The following HELQ variants were observed in gnomAD, a reference collection of about 807,000 sequenced individuals.
HELQ encodes helicase POLQ-like.
Under a neutral mutation model 111.6 loss-of-function variants are expected in HELQ, and 77 were observed. The observed-to-expected ratio is 0.69, with a 90% CI of 0.57 to 0.83. The LOEUF is 0.83. HELQ is among the 40% of genes least tolerant of loss of function. The probability of loss-of-function intolerance (pLI) is 0.00; values close to 1 mark genes in which losing one functional copy is unlikely to be tolerated. For missense variants in HELQ, 1,200 were observed against 1,288.5 expected, an observed-to-expected ratio of 0.93 and a Z score of 1.05; for synonymous variants, 438 against 454.7, an observed-to-expected ratio of 0.96 and a Z score of 0.47.
At chr4:83,414,834 T>C (rs1739279067) in intron 17 of HELQ, among the ~76,000 whole-genome samples, 1 of 152,038 alleles carries the variant, frequency 6.6e-6, no homozygotes, top group African/African-American at 2.4e-5. Context: ...TGTGTGAAAG[T>C]TTAATGAACC....
At chr4:83,442,803 C>T (rs1040854849) in intron 6 of HELQ, among the ~76,000 whole-genome samples, 2 of 152,162 alleles carry the variant, frequency 1.3e-5, no homozygotes, top group Admixed American at 6.5e-5. Context: ...TCTCATGCCC[C>T]GGCCTCTTAA....
chr4:83,444,386 T>C (rs544363056), intron 5 of HELQ, among the ~76,000 whole-genome samples: 5 of 152,256 alleles, frequency 3.3e-5, no homozygotes, highest in Non-Finnish European at 7.4e-5. Flanking sequence ...TTTATTTATT[T>C]ATTTATTTTT....
intron 16 of HELQ, among the ~76,000 whole-genome samples, chr4:83,417,229 G>A (rs1264379140): frequency 6.8e-6 from 1 of 148,008 alleles, no homozygotes; most frequent in Non-Finnish European, 1.5e-5. Context: ...TTGAGAAAGA[G>A]TCTTGCTCTG....
At position 83,455,581 on chromosome 4, in the gene HELQ, T is replaced by G; in HGVS notation, c.113A>C (p.Asp38Ala). ...CATTTCCTCCTCCTCTTTCCCCTCA[T>G]CTCCGGGCACGAGCTCGGCCGCGGT... ...APTAAELVPG[D>A]EGKEEEEMVA... is the part of the protein sequence containing the mutation. The change falls in exon 1 of 18, where the codon GAT becomes GCT. Residue 38 changes from aspartate (D) to alanine (A), a missense_variant. This residue lies in a region of HELQ where 610 missense variants were observed against 607.1 expected (regional missense o/e 1.00). Transcript: ENST00000295488. 5 of 1,614,096 alleles carry G rather than the reference T, an allele frequency of 3.1e-6. No individual in the cohort carries two copies. The highest frequency in any genetic ancestry group is 4.2e-6 in the Non-Finnish European group (5 of 1,180,012).
chr4:83,448,957 C>A lies in HELQ; in HGVS notation c.1017G>T (p.Trp339Cys), dbSNP rs563330991. Residue 339 changes from tryptophan (W) to cysteine (C), a missense_variant, in exon 3 of 18, where the codon TGG becomes TGT. Coordinates refer to ENST00000295488, the MANE Select transcript of HELQ (RefSeq NM_133636.5). ...QFKGIEKLYE[W>C]QHTCLTLNSV... ...AATTCAATGTTAAACAAGTATGTTG[C>A]CATTCTGTGGAATTAAAAAAAAAAA... 1 of 1,554,198 alleles carries A rather than the reference C, an allele frequency of 6.4e-7. No homozygotes were observed. The highest frequency in any genetic ancestry group is 1.5e-5 in the African/African-American group (1 of 65,612).
At chr4:83,443,420 A>G in intron 6 of HELQ, 97 bp downstream of exon 6, 1 of 568,094 alleles carries the variant, frequency 1.8e-6, no homozygotes, top group Non-Finnish European at 3.1e-6. Flanking sequence ...CCCCTTCACT[A>G]CTCTACAGAA....
chr4:83,432,295 T>C, intron 9 of HELQ, 28 bp from the exon 10 acceptor site: 1 of 1,492,088 alleles, frequency 6.7e-7, no homozygotes, highest in Non-Finnish European at 8.9e-7. Context: ...AATGATACTC[T>C]ACAGCAAACA....
intron 3 of HELQ, 136 bp downstream of exon 3, chr4:83,448,647 G>A (rs1721178815): frequency 1.0e-5 from 7 of 701,970 alleles, no homozygotes. Context: ...TCCAACCTGG[G>A]TGACAGAGCA....
chr4:83,416,669 A>G (rs1739376726), intron 17 of HELQ, 62 bp downstream of exon 17: 1 of 1,525,446 alleles, frequency 6.6e-7, no homozygotes, highest in African/African-American at 1.4e-5. Context: ...TCTGATGTCT[A>G]TAATACAAGG....
chr4:83,443,383 G>A (rs1225972479), intron 6 of HELQ, 134 bp downstream of exon 6: 6 of 469,054 alleles, frequency 1.3e-5, no homozygotes, highest in Admixed American at 3.8e-5. Context: ...CCTCTTATTA[G>A]CATATAGTCA....
At chr4:83,431,108 A>AAAACAAAC (rs113083449) in intron 11 of HELQ, among the ~76,000 whole-genome samples, 4 of 151,790 alleles carry the variant, frequency 2.6e-5, no homozygotes, top group African/African-American at 9.7e-5. Context: ...GATTAAAGAA[A>AAAACAAAC]AAACAAACAA....
chr4:83,432,153 G>A lies in HELQ; in HGVS notation c.2163C>T (p.Leu721=), dbSNP rs1391606757. 1.9e-6 allele frequency: 3 copies of A among 1,586,564 alleles called. No homozygotes were observed. Among genetic ancestry groups the A allele is most frequent in the Non-Finnish European group, 2.6e-6 (3 of 1,168,418 alleles). ...AGIDTIGESI[L]ILQEKDKQQV... The stretch of plus-strand genomic sequence containing the variant: ...GTTGTTTGTCTTTTTCTTGCAATAT[G>A]AGGATACTCTCCCCAATAGTATCTA... The change falls in exon 10 of 18, where the codon CTC becomes CTT. Residue 721 remains leucine, a synonymous_variant. Transcript: ENST00000295488.
chr4:83,421,398 A>C (rs754040257), intron 15 of HELQ, among the ~76,000 whole-genome samples, 165 bp downstream of exon 15: 7 of 152,258 alleles, frequency 4.6e-5, no homozygotes, highest in African/African-American at 1.7e-4. Context: ...TTTCATAAAC[A>C]GATAAAAACA....
At chr4:83,408,112 A>T (rs1392205025) in intron 17 of HELQ, among the ~76,000 whole-genome samples, 1 of 152,228 alleles carries the variant, frequency 6.6e-6, no homozygotes, top group African/African-American at 2.4e-5. Flanking sequence ...AATAAGCTAT[A>T]TAGATCAATA....
At chr4:83,418,356 A>G in intron 15 of HELQ, 150 bp from the exon 16 acceptor site, 1 of 448,008 alleles carries the variant, frequency 2.2e-6, no homozygotes, top group South Asian at 6.2e-5. Flanking sequence ...TAAGCAAAAC[A>G]GATGTGAAGA....
intron 17 of HELQ, among the ~76,000 whole-genome samples, chr4:83,416,338 A>G (rs1442927778): frequency 6.6e-6 from 1 of 152,000 alleles, no homozygotes; most frequent in Non-Finnish European, 1.5e-5. Context: ...CTCTTGCCTC[A>G]GTCTCCGGAG....
intron 10 of HELQ, 23 bp downstream of exon 10, chr4:83,432,103 C>A: frequency 6.5e-7 from 1 of 1,538,808 alleles, no homozygotes; most frequent in Non-Finnish European, 8.7e-7. Flanking sequence ...CAAAAACAAC[C>A]AACCAACCAA....
chr4:83,417,467 T>C (rs370281411), intron 16 of HELQ, among the ~76,000 whole-genome samples: 8 of 152,176 alleles, frequency 5.3e-5, no homozygotes, highest in Admixed American at 5.2e-4. Context: ...CCTCCCAAAG[T>C]GCTGTGATTG....
rs1721538981 is a variant in HELQ, at chr4:83,453,758, A to G, written c.485T>C (p.Ile162Thr). Reference sequence around the variant, plus strand: ...AGTTTGTAATTCAGTAAGGTTGCCTATGGTAGTAATGCTGAGTTTGTTTTT... The same window carrying G: ...AGTTTGTAATTCAGTAAGGTTGCCTGTGGTAGTAATGCTGAGTTTGTTTTT... ...SIKNKLSITT[I>T]GNLTELQTDK... The change falls in exon 2 of 18, where the codon ATA becomes ACA. Residue 162 changes from isoleucine (I) to threonine (T), a missense_variant. Transcript: ENST00000295488. 1 of 1,614,172 alleles carries G rather than the reference A, an allele frequency of 6.2e-7. No individual in the cohort carries two copies. The highest frequency in any genetic ancestry group is 1.1e-5 in the South Asian group (1 of 91,084).
Sources: gnomAD v4.1 joint callset for allele counts (sites outside exome capture counted in the v4.1 genomes callset) on GRCh38, gnomAD v4.1.1 for gene constraint, gnomAD v4.1.1 regional missense constraint, MANE v1.5 for transcripts, NCBI Gene and HGNC (gene_info 2026-07-23, HGNC 2026-07-21) for gene names.